GREB1L: variants seen among roughly 807,000 people sequenced by gnomAD.
GREB1L encodes the protein GREB1 like retinoic acid receptor coactivator.
In GREB1L, 17 loss-of-function variants were observed where a neutral mutation model predicts 200.8. That is an observed-to-expected ratio of 0.08 (90% CI 0.06 to 0.13). GREB1L has a LOEUF of 0.13. Among genes scored for constraint, GREB1L ranks in the 10% least tolerant of loss-of-function variants. The pLI, the probability that GREB1L is intolerant of heterozygous loss-of-function variation, is 1.00. For synonymous variants in GREB1L, 789 were observed against 893.0 expected, an observed-to-expected ratio of 0.88 and a Z score of 2.08; for missense variants, 1,657 against 2,367.7, an observed-to-expected ratio of 0.70 and a Z score of 6.23.
At chr18:21,503,559 C>T (rs1312856120) in intron 23 of GREB1L, among the ~76,000 whole-genome samples, 2 of 148,552 alleles carry the variant, frequency 1.3e-5, no homozygotes, top group East Asian at 4.1e-4. Flanking sequence ...ACTGTCTTGG[C>T]ACTTTATTAT....
rs2037098470 is a variant in GREB1L, at chr18:21,508,298, A to T, written c.4530+19A>T. On this transcript the variant is annotated intron_variant, in intron 26 of 32. Transcript: ENST00000424526. ...AGACAAGGTGGGTGAGAGCATCTGG[A>T]CTGGCAGGCACCAGACCTAGTTCTT... 6.4e-7 allele frequency: 1 copy of T among 1,551,480 alleles called. No homozygotes were observed. Among genetic ancestry groups the T allele is most frequent in the African/African-American group, 1.4e-5 (1 of 73,162 alleles).
intron 2 of GREB1L, chr18:21,380,510 C>T (rs1314037656): frequency 6.6e-6 from 1 of 152,088 alleles, no homozygotes; most frequent in African/African-American, 2.4e-5. Context: ...TCAAAATTAC[C>T]TGTCTTGAAA....
In GREB1L at chr18:21,522,953, A is replaced by T; in HGVS notation, c.*132A>T. On this transcript the variant is annotated 3_prime_UTR_variant, in exon 33 of 33. Coordinates refer to ENST00000424526, the MANE Select transcript of GREB1L (RefSeq NM_001142966.3). Reference sequence around the variant, plus strand: ...GCAACATATTTGTCTAAATTCTCCAAAGAACTCCCCAAATCTGATCCAGGT... The same window carrying T: ...GCAACATATTTGTCTAAATTCTCCATAGAACTCCCCAAATCTGATCCAGGT... 1 of 794,010 alleles carries T rather than the reference A, an allele frequency of 1.3e-6. No individual in the cohort carries two copies. The allele number at this position is 794,010 out of a possible 1,614,324, so 49.2% of individuals were successfully genotyped here.
intron 28 of GREB1L, 123 bp from the exon 29 acceptor site, chr18:21,515,294 G>A (rs942667412): frequency 2.8e-4 from 194 of 697,804 alleles, no homozygotes; most frequent in Non-Finnish European, 4.2e-4. Context: ...TTGCTAATAC[G>A]AAGTAAATCA....
chr18:21,410,007 G>T (rs1598780960), intron 7 of GREB1L, among the ~76,000 whole-genome samples: 1 of 152,016 alleles, frequency 6.6e-6, no homozygotes, highest in East Asian at 1.9e-4. Flanking sequence ...AATGTTATTT[G>T]AATTCTGTTT....
chr18:21,356,787 C>T (rs556868490), intron 1 of GREB1L, among the ~76,000 whole-genome samples: 5 of 152,294 alleles, frequency 3.3e-5, no homozygotes, highest in African/African-American at 9.6e-5. Flanking sequence ...TACATTCTCA[C>T]CAACATGGTG....
At chr18:21,497,263 G>C (rs751370086) in intron 21 of GREB1L, among the ~76,000 whole-genome samples, 10 of 152,168 alleles carry the variant, frequency 6.6e-5, no homozygotes, top group Non-Finnish European at 1.3e-4. Flanking sequence ...TGCCTGGCAT[G>C]AATTTTCTTC....
At chr18:21,332,107 T>G (rs1192082209) in intron 1 of GREB1L, among the ~76,000 whole-genome samples, 4 of 152,236 alleles carry the variant, frequency 2.6e-5, no homozygotes, top group African/African-American at 4.8e-5. Flanking sequence ...ATGAAAAATC[T>G]TCCTAAAATT....
rs1157104331 is a variant in GREB1L, at chr18:21,366,096, AATC to A, written c.-47_-45del. The A allele has an allele frequency of 6.6e-5, 10 of 152,214 alleles. No homozygotes were observed. The highest frequency in any genetic ancestry group is 6.5e-4 in the Admixed American group (10 of 15,272). 9.4% of individuals were successfully genotyped at this position (152,214 alleles called of 1,614,324 possible). On this transcript the variant is annotated 5_prime_UTR_variant, in exon 2 of 33. It adds an upstream start codon to the 5' untranslated region. Coordinates refer to ENST00000424526, the MANE Select transcript of GREB1L (RefSeq NM_001142966.3). ...CCCTGAAGTGTTGACTGCCCAACTT[AATC>A]ATGACTGTGATTCAAAAATGTTAAT... is the stretch of plus-strand genomic sequence containing the variant.
intron 15 of GREB1L, among the ~76,000 whole-genome samples, chr18:21,456,997 C>G (rs1354319865): frequency 6.6e-6 from 1 of 152,072 alleles, no homozygotes; most frequent in African/African-American, 2.4e-5. Flanking sequence ...TCTGATATCC[C>G]AAATTGTGCT....
intron 1 of GREB1L, among the ~76,000 whole-genome samples, chr18:21,273,151 C>T (rs1305950538): frequency 2.6e-5 from 4 of 152,158 alleles, no homozygotes; most frequent in Non-Finnish European, 5.9e-5. Flanking sequence ...TCGCTTGAAC[C>T]CGGGAGGCGG....
At chr18:21,272,842 T>C (rs2038099960) in intron 1 of GREB1L, among the ~76,000 whole-genome samples, 1 of 152,246 alleles carries the variant, frequency 6.6e-6, no homozygotes, top group Admixed American at 6.5e-5. Context: ...TAAATGCATG[T>C]ATTGACAAGA....
chr18:21,466,238 C>T (rs2035257924), intron 15 of GREB1L, among the ~76,000 whole-genome samples: 2 of 152,018 alleles, frequency 1.3e-5, no homozygotes, highest in South Asian at 4.2e-4. Context: ...TTTTTGATTC[C>T]TTCAAACAGT....
chr18:21,407,993 G>C (rs1031606961), intron 7 of GREB1L, among the ~76,000 whole-genome samples: 1 of 152,134 alleles, frequency 6.6e-6, no homozygotes, highest in African/African-American at 2.4e-5. Context: ...ATGAAGAGAG[G>C]TTGGCTAATG....
chr18:21,371,515 C>T (rs148129242), intron 2 of GREB1L, among the ~76,000 whole-genome samples: 2,571 of 148,632 alleles, frequency 0.017, 74 homozygotes, highest in African/African-American at 0.059. Flanking sequence ...TGGCCAGGTG[C>T]GGTGGCTCAT....
chr18:21,467,875 A>T (rs1473038218), intron 15 of GREB1L, among the ~76,000 whole-genome samples: 1 of 152,068 alleles, frequency 6.6e-6, no homozygotes, highest in African/African-American at 2.4e-5. Context: ...ACGCAAAAAA[A>T]TTAGCTGGGC....
chr18:21,302,418 T>C (rs1728071728), intron 1 of GREB1L, among the ~76,000 whole-genome samples: 1 of 152,158 alleles, frequency 6.6e-6, no homozygotes, highest in South Asian at 2.1e-4. Flanking sequence ...TTCTACAAAA[T>C]AGAATGAGAG....
rs573098059 is a variant in GREB1L, at chr18:21,451,158, G to A, written c.1849+7G>A. 3.9e-6 allele frequency: 6 copies of A among 1,551,134 alleles called. No individual in the cohort carries two copies. The South Asian group carries it at 6.0e-5, about 15-fold the overall frequency. On this transcript the variant is annotated splice_region_variant and intron_variant, in intron 13 of 32. Transcript: ENST00000424526. ...TTCAAAACCACATCATTAGGTGAGTGGTTGTAAGATTTGGCAACACTGGCA... is the reference window on the plus strand; with the variant it reads ...TTCAAAACCACATCATTAGGTGAGTAGTTGTAAGATTTGGCAACACTGGCA...
chr18:21,356,747 A>T (rs1242517316), intron 1 of GREB1L, among the ~76,000 whole-genome samples: 1 of 152,312 alleles, frequency 6.6e-6, no homozygotes, highest in East Asian at 1.9e-4. Context: ...AGAAACCTCC[A>T]TACTGTTTTC....
Sources: gnomAD v4.1 joint callset for allele counts (sites outside exome capture counted in the v4.1 genomes callset) on GRCh38, gnomAD v4.1.1 for gene constraint, MANE v1.5 for transcripts, NCBI Gene and HGNC (gene_info 2026-07-23, HGNC 2026-07-21) for gene names.